DLG2: variants seen among roughly 807,000 people sequenced by gnomAD.
DLG2 encodes disks large homolog 2.
DLG2 carries 45 observed loss-of-function variants against 132.5 expected under a neutral mutation model. That is an observed-to-expected ratio of 0.34 (90% CI 0.27 to 0.44). The LOEUF (loss-of-function observed/expected upper bound fraction) is 0.44. Among genes scored for constraint, DLG2 ranks in the 20% least tolerant of loss-of-function variants. The pLI is 1.00. For synonymous variants in DLG2, 424 were observed against 419.6 expected (o/e 1.01, Z -0.13); for missense variants, 1,045 against 1,196.9 (o/e 0.87, Z 1.87).
intron 9 of DLG2, among the ~76,000 whole-genome samples, chr11:84,153,190 T>C (rs1204699465): frequency 6.6e-6 from 1 of 152,194 alleles, no homozygotes; most frequent in African/African-American, 2.4e-5. Context: ...GCTTGTAAGG[T>C]TTCTGCTGAG....
chr11:85,455,354 A>G (rs1408946959), intron 3 of DLG2, among the ~76,000 whole-genome samples: 1 of 152,048 alleles, frequency 6.6e-6, no homozygotes, highest in Non-Finnish European at 1.5e-5. Context: ...GAATGCTACA[A>G]ATTTCTGTAC....
intron 7 of DLG2, among the ~76,000 whole-genome samples, chr11:84,300,653 T>C (rs193122073): frequency 1.3e-5 from 2 of 152,328 alleles, no homozygotes; most frequent in Admixed American, 1.3e-4. Context: ...TAATCTATTG[T>C]GGCAGGTATT....
At chr11:85,174,780 G>T (rs2079104008) in intron 4 of DLG2, among the ~76,000 whole-genome samples, 1 of 152,026 alleles carries the variant, frequency 6.6e-6, no homozygotes, top group Non-Finnish European at 1.5e-5. Context: ...TGATAAGGGG[G>T]ATATCACCGC....
intron 10 of DLG2, among the ~76,000 whole-genome samples, chr11:84,079,786 G>A (rs566062702): frequency 6.6e-6 from 1 of 152,066 alleles, no homozygotes; most frequent in Non-Finnish European, 1.5e-5. Flanking sequence ...ATTTCTCATG[G>A]CCACCTCTCC....
At chr11:84,829,820 A>G (rs2078796475) in intron 6 of DLG2, among the ~76,000 whole-genome samples, 1 of 151,688 alleles carries the variant, frequency 6.6e-6, no homozygotes. Flanking sequence ...AAGTGATCAC[A>G]TTTTCTGCAG....
rs539506958 is a variant in DLG2, at chr11:84,266,006, T to C, written c.520-14715A>G. On this transcript the variant is annotated intron_variant, in intron 7 of 27. Transcript: ENST00000376104. ...TGTAACAAATAAGCTTGGCGTTCTATTTTTGCAATTTCTGGGATGGGTATG... is the reference window on the plus strand; with the variant it reads ...TGTAACAAATAAGCTTGGCGTTCTACTTTTGCAATTTCTGGGATGGGTATG... Among the ~76,000 whole-genome samples, 3 of 152,300 alleles carry C rather than the reference T, an allele frequency of 2.0e-5. No homozygotes were observed. The East Asian group carries it at 5.8e-4, about 29-fold the overall frequency.
At chr11:84,036,515 G>C (rs2095866962) in intron 11 of DLG2, among the ~76,000 whole-genome samples, 1 of 152,056 alleles carries the variant, frequency 6.6e-6, no homozygotes, top group South Asian at 2.1e-4. Context: ...AAGGCATCAT[G>C]AATACAAATG....
At chr11:83,624,972 T>C (rs2062246790) in intron 19 of DLG2, among the ~76,000 whole-genome samples, 1 of 152,186 alleles carries the variant, frequency 6.6e-6, no homozygotes, top group Non-Finnish European at 1.5e-5. Flanking sequence ...CCACTAAGTT[T>C]TTAAGAGAGA....
intron 6 of DLG2, among the ~76,000 whole-genome samples, chr11:84,885,893 A>T (rs1486125037): frequency 6.6e-6 from 1 of 152,124 alleles, no homozygotes; most frequent in Admixed American, 6.6e-5. Context: ...GTTATTCTCA[A>T]TAGATACATG....
chr11:84,121,104 T>C (rs941366184), intron 9 of DLG2, among the ~76,000 whole-genome samples: 1 of 152,212 alleles, frequency 6.6e-6, no homozygotes, highest in African/African-American at 2.4e-5. Flanking sequence ...TGGCAATAGG[T>C]GACATGCTGG....
At chr11:85,554,480 T>C (rs762223629) in intron 3 of DLG2, among the ~76,000 whole-genome samples, 1 of 151,896 alleles carries the variant, frequency 6.6e-6, no homozygotes, top group Non-Finnish European at 1.5e-5. Flanking sequence ...CTGACTCCAT[T>C]TGATTCTAAC....
chr11:84,462,522 T>A (rs2099083150), intron 7 of DLG2, among the ~76,000 whole-genome samples: 1 of 151,054 alleles, frequency 6.6e-6, no homozygotes. Context: ...GTCCAAAAAC[T>A]AAGAAATGAA....
At chr11:84,545,170 G>A (rs2099387149) in intron 6 of DLG2, 3 of 452,200 alleles carry the variant, frequency 6.6e-6, no homozygotes, top group East Asian at 5.7e-5. Context: ...GCTGCTACTG[G>A]AACCACGAGA....
intron 6 of DLG2, among the ~76,000 whole-genome samples, chr11:84,617,546 T>C (rs1397664732): frequency 6.6e-6 from 1 of 152,168 alleles, no homozygotes; most frequent in African/African-American, 2.4e-5. Context: ...TCTAAATCCT[T>C]GAGGAATGGC....
chr11:85,596,030 A>G (rs1250260669), intron 3 of DLG2, among the ~76,000 whole-genome samples: 1 of 152,072 alleles, frequency 6.6e-6, no homozygotes, highest in Admixed American at 6.6e-5. Flanking sequence ...AGGTGGGAGG[A>G]TCACTTGAGC....
intron 6 of DLG2, among the ~76,000 whole-genome samples, chr11:84,770,601 C>A (rs1178234743): frequency 6.6e-6 from 1 of 151,684 alleles, no homozygotes; most frequent in Non-Finnish European, 1.5e-5. Context: ...GGATAATGGC[C>A]TCCAACTGCA....
Position 84,726,114 on chromosome 11 carries a change from AATTT to A in DLG2, c.358-191387_358-191384del, listed in dbSNP as rs549042560. Among the ~76,000 whole-genome samples the A allele has an allele frequency of 3.7e-3, 568 of 151,942 alleles. 5 individuals carry two copies. The highest frequency in any genetic ancestry group is 0.012 in the African/African-American group (515 of 41,478). ...ATTGTCAACCCTTTGTGTTCACTGTAATTTATTTATTATTATTATACTTTAAGTT... is the reference window on the plus strand; with the variant it reads ...ATTGTCAACCCTTTGTGTTCACTGTAATTTATTATTATTATACTTTAAGTT... On this transcript the variant is annotated intron_variant, in intron 6 of 27. Transcript: ENST00000376104.
intron 6 of DLG2, among the ~76,000 whole-genome samples, chr11:84,961,142 T>C (rs2052501737): frequency 1.3e-5 from 2 of 151,190 alleles, no homozygotes; most frequent in Non-Finnish European, 1.5e-5. Flanking sequence ...AAAGCCTTTA[T>C]ATAGGACTTC....
At chr11:83,997,924 G>A (rs147518317) in intron 11 of DLG2, among the ~76,000 whole-genome samples, 2,779 of 151,434 alleles carry the variant, frequency 0.018, 77 homozygotes, top group South Asian at 0.061. Flanking sequence ...TTGAGGTCAG[G>A]AGTTCGATAC....
Sources: allele counts gnomAD v4.1 joint callset (sites outside exome capture counted in the v4.1 genomes callset), GRCh38; gene constraint gnomAD v4.1.1; transcripts MANE v1.5; gene names NCBI Gene and HGNC (gene_info 2026-07-23, HGNC 2026-07-21).